The following DMD variants were observed in gnomAD, a reference collection of about 807,000 sequenced individuals.
DMD encodes dystrophin, also known as mutant dystrophin.
In DMD, 63 loss-of-function variants were observed where a neutral mutation model predicts 330.1. The ratio of observed to expected loss-of-function variants is 0.19; its 90% CI spans 0.16 to 0.24. DMD has a LOEUF of 0.24. Ranked by LOEUF, DMD falls within the 10% of genes least tolerant of loss-of-function variation. The pLI, the probability that DMD is intolerant of heterozygous loss-of-function variation, is 1.00. For synonymous variants in DMD, 1,223 were observed against 959.8 expected, an observed-to-expected ratio of 1.27 and a Z score of -5.07; for missense variants, 3,344 against 2,684.1, an observed-to-expected ratio of 1.25 and a Z score of -5.43.
At chrX:33,279,151 A>T (rs1195838022) in intron 1 of DMD, among the ~76,000 whole-genome samples, 1 of 112,278 alleles carries the variant, frequency 8.9e-6, no homozygotes, top group East Asian at 2.8e-4. Flanking sequence ...GTACTGCAAG[A>T]TAAACCACAT....
chrX:32,457,020 G>A (rs2098362740), intron 25 of DMD, among the ~76,000 whole-genome samples: 1 of 105,094 alleles, frequency 9.5e-6, no homozygotes, highest in Admixed American at 1.0e-4. Context: ...TAAAACTATG[G>A]AGCTTGATAA....
At chrX:32,419,368 A>G (rs1347778481) in intron 29 of DMD, among the ~76,000 whole-genome samples, 2 of 112,124 alleles carry the variant, frequency 1.8e-5, no homozygotes, top group African/African-American at 6.5e-5. Context: ...AGGAGGTCTC[A>G]CACTGTGTTC....
chrX:33,171,055 C>T (rs1037739784), intron 1 of DMD, among the ~76,000 whole-genome samples: 1 of 111,781 alleles, frequency 8.9e-6, no homozygotes, highest in African/African-American at 3.2e-5. Flanking sequence ...GACAATATAA[C>T]ACAATATTTG....
intron 49 of DMD, among the ~76,000 whole-genome samples, chrX:31,825,470 A>G (rs1045494512): frequency 1.8e-5 from 2 of 111,697 alleles, no homozygotes; most frequent in African/African-American, 3.3e-5. Context: ...GCCCCTCAGA[A>G]TGAGGATAAA....
intron 53 of DMD, among the ~76,000 whole-genome samples, chrX:31,659,639 G>GGAAAAAAAAAAAAAAAAAAAAAAA (rs1829079513): frequency 2.5e-5 from 1 of 39,982 alleles, no homozygotes; most frequent in Non-Finnish European, 4.7e-5. Flanking sequence ...CTCCATCTCG[G>GGAAAAAAAAAAAAAAAAAAAAAAA]AAAAAAAAAA....
intron 2 of DMD, among the ~76,000 whole-genome samples, chrX:32,954,438 T>C (rs892187865): frequency 8.9e-6 from 1 of 111,874 alleles, no homozygotes; most frequent in Non-Finnish European, 1.9e-5. Flanking sequence ...ACATGGCCCT[T>C]GAAACACTAC....
At chrX:32,250,775 C>A in intron 43 of DMD, among the ~76,000 whole-genome samples, 1 of 112,049 alleles carries the variant, frequency 8.9e-6, no homozygotes, top group South Asian at 3.7e-4. Flanking sequence ...AACTACATCT[C>A]CTGGCTTTCT....
chrX:32,136,567 A>G (rs866616806), intron 44 of DMD, among the ~76,000 whole-genome samples: 16 of 101,805 alleles, frequency 1.6e-4, no homozygotes, highest in African/African-American at 5.4e-4. Context: ...AAAACAAAAC[A>G]AAACAAAACA....
At chrX:31,401,175 C>T (rs1012020178) in intron 60 of DMD, among the ~76,000 whole-genome samples, 1 of 111,274 alleles carries the variant, frequency 9.0e-6, no homozygotes, top group African/African-American at 3.3e-5. Context: ...GATCACACTA[C>T]CTAAAAAGAG....
intron 48 of DMD, among the ~76,000 whole-genome samples, chrX:31,846,694 T>C (rs1358207841): frequency 9.0e-6 from 1 of 111,445 alleles, no homozygotes; most frequent in Non-Finnish European, 1.9e-5. Context: ...AAATTTCATC[T>C]GTGTTTCTTG....
At chrX:32,591,098 A>G (rs762501830) in intron 13 of DMD, among the ~76,000 whole-genome samples, 1 of 109,391 alleles carries the variant, frequency 9.1e-6, no homozygotes, top group East Asian at 2.9e-4. Context: ...GGCTCAAGCA[A>G]TATTCTCTCC....
At position 31,362,171 on chromosome X, in the gene DMD, CTG is replaced by C. The variant is rs1217826881; in HGVS notation, c.9085-13539_9085-13538del. Among the ~76,000 whole-genome samples the C allele has an allele frequency of 8.9e-5, 10 of 112,313 alleles. No homozygotes were observed. The East Asian group carries it at 1.4e-3, about 16-fold the overall frequency. ...TGATTTTGTGTTGTTTAGATAAAAA[CTG>C]TGAATTTTGCATGAGTAAAGGGCTA... On this transcript the variant is annotated intron_variant, in intron 60 of 78. Coordinates refer to ENST00000357033, the MANE Select transcript of DMD (RefSeq NM_004006.3).
intron 42 of DMD, among the ~76,000 whole-genome samples, chrX:32,289,362 G>GT (rs1374419553): frequency 9.1e-6 from 1 of 110,309 alleles, no homozygotes; most frequent in Non-Finnish European, 1.9e-5. Flanking sequence ...AATCCTAAGG[G>GT]TAACTCTACT....
chrX:32,827,955 C>G (rs1051062277), intron 4 of DMD, among the ~76,000 whole-genome samples: 1 of 111,402 alleles, frequency 9.0e-6, no homozygotes, highest in Admixed American at 9.6e-5. Context: ...GCCACTGCGC[C>G]CAGCCTAACT....
intron 51 of DMD, among the ~76,000 whole-genome samples, chrX:31,770,600 C>T (rs1372227899): frequency 2.7e-5 from 3 of 112,034 alleles, no homozygotes; most frequent in African/African-American, 9.7e-5. Flanking sequence ...CATTCTCTCT[C>T]CTGGCTTAGT....
intron 61 of DMD, among the ~76,000 whole-genome samples, chrX:31,340,189 T>C (rs2057649791): frequency 8.9e-6 from 1 of 112,340 alleles, no homozygotes; most frequent in African/African-American, 3.2e-5. Context: ...AGGGATATGA[T>C]TAAGGCAGTT....
intron 2 of DMD, among the ~76,000 whole-genome samples, chrX:32,858,614 C>G (rs1230384804): frequency 8.9e-6 from 1 of 111,815 alleles, no homozygotes; most frequent in Non-Finnish European, 1.9e-5. Flanking sequence ...AGGCATGAGC[C>G]ATCACACCTG....
chrX:32,027,807 A>G (rs1334583595), intron 44 of DMD, among the ~76,000 whole-genome samples: 3 of 112,634 alleles, frequency 2.7e-5, no homozygotes, highest in Non-Finnish European at 3.8e-5. Context: ...TTCTTGACAC[A>G]ACAAAGAGCA....
intron 49 of DMD, among the ~76,000 whole-genome samples, chrX:31,826,864 A>G (rs370391534): frequency 1.2e-4 from 14 of 112,150 alleles, no homozygotes; most frequent in East Asian, 5.6e-4. Flanking sequence ...AAGAGCTCCA[A>G]ACTCAACAGA....
Sources: allele counts gnomAD v4.1 joint callset (sites outside exome capture counted in the v4.1 genomes callset), GRCh38; gene constraint gnomAD v4.1.1; transcripts MANE v1.5; gene names NCBI Gene and HGNC (gene_info 2026-07-23, HGNC 2026-07-21).